THSD4: variants seen among roughly 807,000 people sequenced by gnomAD.
THSD4 encodes thrombospondin type-1 domain-containing protein 4.
In THSD4, 69 loss-of-function variants were observed where a neutral mutation model predicts 119.0. That is an observed-to-expected ratio of 0.58 (90% confidence interval 0.48 to 0.71). The LOEUF (loss-of-function observed/expected upper bound fraction) is 0.71, where lower values mean the gene tolerates loss of function less well. Among genes scored for constraint, THSD4 ranks in the 30% least tolerant of loss-of-function variants. The pLI is 0.00. For synonymous variants in THSD4, 524 were observed against 540.4 expected, an observed-to-expected ratio of 0.97 and a Z score of 0.42; for missense variants, 1,393 against 1,391.1, an observed-to-expected ratio of 1.00 and a Z score of -0.02.
intron 6 of THSD4, among the ~76,000 whole-genome samples, chr15:71,287,883 G>A (rs942487995): frequency 6.6e-6 from 1 of 152,198 alleles, no homozygotes; most frequent in Non-Finnish European, 1.5e-5. Context: ...ACTCTTCCAT[G>A]TTTAAAAATG....
At chr15:71,680,207 C>G (rs962998117) in intron 8 of THSD4, among the ~76,000 whole-genome samples, 7 of 152,130 alleles carry the variant, frequency 4.6e-5, no homozygotes, top group Admixed American at 1.3e-4. Context: ...TAAAGCAGTA[C>G]TTTTGAAACC....
chr15:71,745,770 G>C (rs79849902), intron 12 of THSD4, among the ~76,000 whole-genome samples: 13,830 of 152,166 alleles, frequency 0.091, 906 homozygotes, highest in East Asian at 0.37. Flanking sequence ...TCAGCCTCCC[G>C]AGTAGCTGGG....
At chr15:71,333,021 G>A (rs551951287) in intron 6 of THSD4, among the ~76,000 whole-genome samples, 148 of 151,010 alleles carry the variant, frequency 9.8e-4, no homozygotes, top group Non-Finnish European at 1.7e-3. Context: ...TTGGTATCTG[G>A]TCTAGCTCAC....
chr15:71,608,147 C>T (rs778403273), intron 7 of THSD4, among the ~76,000 whole-genome samples: 11 of 149,910 alleles, frequency 7.3e-5, no homozygotes, highest in African/African-American at 1.2e-4. Context: ...TGTTTGAACC[C>T]GGGAGGCGGT....
intron 7 of THSD4, among the ~76,000 whole-genome samples, chr15:71,632,339 T>C (rs958436328): frequency 6.6e-6 from 1 of 152,188 alleles, no homozygotes; most frequent in Non-Finnish European, 1.5e-5. Context: ...CCCCTCCTGA[T>C]GACTGTATGA....
chr15:71,632,869 T>TA (rs2050659362), intron 7 of THSD4, among the ~76,000 whole-genome samples: 1 of 152,178 alleles, frequency 6.6e-6, no homozygotes, highest in South Asian at 2.1e-4. Context: ...CGATAAAGGC[T>TA]AATTCGTGAG....
At chr15:71,731,333 G>A (rs1162179346) in intron 10 of THSD4, 116 bp downstream of exon 10, 3 of 1,034,580 alleles carry the variant, frequency 2.9e-6, no homozygotes, top group East Asian at 2.6e-5. Context: ...AAAATTGAGG[G>A]ACGCATATTT....
At chr15:71,142,257 T>C (rs937056828) in intron 2 of THSD4, among the ~76,000 whole-genome samples, 2 of 151,890 alleles carry the variant, frequency 1.3e-5, no homozygotes, top group African/African-American at 4.9e-5. Context: ...TAAGTACTAT[T>C]ATCCCTTTTG....
chr15:71,584,830 T>A (rs965847491), intron 7 of THSD4, among the ~76,000 whole-genome samples: 2 of 152,212 alleles, frequency 1.3e-5, no homozygotes, highest in Non-Finnish European at 2.9e-5. Context: ...GGTAGTAGGC[T>A]TTGATTCCTT....
chr15:71,355,545 A>G (rs1270998723), intron 6 of THSD4, among the ~76,000 whole-genome samples: 1 of 152,134 alleles, frequency 6.6e-6, no homozygotes, highest in African/African-American at 2.4e-5. Context: ...AGCCCTGAGT[A>G]TTATTGGATT....
chr15:71,152,896 T>A (rs1445604531), intron 2 of THSD4, among the ~76,000 whole-genome samples: 1 of 152,142 alleles, frequency 6.6e-6, no homozygotes, highest in East Asian at 1.9e-4. Flanking sequence ...GTACATTTAC[T>A]TTCTAGGAGG....
At chr15:71,669,672 G>A (rs949392821) in intron 8 of THSD4, among the ~76,000 whole-genome samples, 6 of 152,136 alleles carry the variant, frequency 3.9e-5, no homozygotes, top group African/African-American at 4.8e-5. Flanking sequence ...TAAAGATAAT[G>A]GATAGTTGCT....
intron 7 of THSD4, among the ~76,000 whole-genome samples, chr15:71,533,648 A>T (rs562770959): frequency 2.0e-5 from 3 of 152,180 alleles, no homozygotes; most frequent in African/African-American, 7.2e-5. Context: ...TTGAAAATGT[A>T]TGCATTATGA....
intron 3 of THSD4, among the ~76,000 whole-genome samples, chr15:71,159,100 TC>T (rs1321037361): frequency 1.3e-5 from 2 of 152,198 alleles, no homozygotes; most frequent in African/African-American, 4.8e-5. Flanking sequence ...CAATATGTGT[TC>T]CTGGCATCTT....
At chr15:71,460,573 G>A (rs1595789742) in intron 7 of THSD4, among the ~76,000 whole-genome samples, 1 of 152,260 alleles carries the variant, frequency 6.6e-6, no homozygotes, top group East Asian at 1.9e-4. Flanking sequence ...CCTTGACTCT[G>A]TGGGAGCTGA....
At chr15:71,160,186 A>C (rs942175601) in intron 3 of THSD4, among the ~76,000 whole-genome samples, 1 of 151,504 alleles carries the variant, frequency 6.6e-6, no homozygotes, top group African/African-American at 2.4e-5. Context: ...ATATTAGTGA[A>C]TAATATTTAT....
chr15:71,445,038 G>A (rs550380341), intron 7 of THSD4, among the ~76,000 whole-genome samples: 5 of 152,134 alleles, frequency 3.3e-5, no homozygotes, highest in South Asian at 2.1e-4. Context: ...ACCAAACCAC[G>A]TACAGCTCTC....
At chr15:71,172,716 T>TATATATATATATATATGTGAC (rs1555452571) in intron 3 of THSD4, among the ~76,000 whole-genome samples, 1 of 117,578 alleles carries the variant, frequency 8.5e-6, no homozygotes, top group African/African-American at 4.0e-5. Context: ...TATATATATA[T>TATATATATATATATATGTGAC]ATATATATAT....
intron 6 of THSD4, among the ~76,000 whole-genome samples, chr15:71,358,134 T>C (rs1483876962): frequency 6.6e-6 from 1 of 152,194 alleles, no homozygotes; most frequent in Non-Finnish European, 1.5e-5. Flanking sequence ...ACCTTCCCCT[T>C]CTCTGGGCTT....
Sources: gnomAD v4.1 joint callset for allele counts (sites outside exome capture counted in the v4.1 genomes callset) on GRCh38, gnomAD v4.1.1 for gene constraint, MANE v1.5 for transcripts, NCBI Gene and HGNC (gene_info 2026-07-23, HGNC 2026-07-21) for gene names.